The following BMP5 variants were observed in gnomAD, a reference collection of about 807,000 sequenced individuals.
BMP5 encodes the protein bone morphogenetic protein 5.
Under a neutral mutation model 46.6 loss-of-function variants are expected in BMP5, and 23 were observed. The observed-to-expected ratio is 0.49, with a 90% confidence interval of 0.35 to 0.70. BMP5 has a LOEUF of 0.70. Among genes scored for constraint, BMP5 ranks in the 30% least tolerant of loss-of-function variants. The pLI is 0.00. For missense variants in BMP5, 545 were observed against 565.6 expected, an observed-to-expected ratio of 0.96 and a Z score of 0.37; for synonymous variants, 204 against 191.9, an observed-to-expected ratio of 1.06 and a Z score of -0.52.
At chr6:55,800,033 A>C (rs1391831775) in intron 2 of BMP5, among the ~76,000 whole-genome samples, 2 of 152,134 alleles carry the variant, frequency 1.3e-5, no homozygotes, top group East Asian at 3.8e-4. Context: ...AAAAAACAAC[A>C]ACAAACACAC....
chr6:55,852,991 A>G (rs1465187069), intron 1 of BMP5, among the ~76,000 whole-genome samples: 2 of 151,668 alleles, frequency 1.3e-5, no homozygotes, highest in Non-Finnish European at 2.9e-5. Context: ...TTAGCTGGGC[A>G]TGGTGGTGCC....
chr6:55,812,999 A>T (rs1776170297), intron 2 of BMP5, among the ~76,000 whole-genome samples: 1 of 152,204 alleles, frequency 6.6e-6, no homozygotes, highest in African/African-American at 2.4e-5. Context: ...AGAGAATTAA[A>T]GTCAAAGTTC....
intron 1 of BMP5, among the ~76,000 whole-genome samples, chr6:55,833,853 T>A (rs1218481281): frequency 6.6e-6 from 1 of 152,124 alleles, no homozygotes; most frequent in Non-Finnish European, 1.5e-5. Flanking sequence ...AGCTTTGGTG[T>A]ATATTCAGAA....
At chr6:55,863,818 A>G (rs1006224816) in intron 1 of BMP5, among the ~76,000 whole-genome samples, 4 of 152,158 alleles carry the variant, frequency 2.6e-5, no homozygotes, top group African/African-American at 9.7e-5. Flanking sequence ...TGGTGTTACA[A>G]TTTCCTACAG....
chr6:55,838,750 T>C lies in BMP5; in HGVS notation c.491-18903A>G, dbSNP rs935618571. Among the ~76,000 whole-genome samples the C allele has an allele frequency of 2.6e-5, 4 of 152,184 alleles. No individual in the cohort carries two copies. The South Asian group carries it at 8.3e-4, about 31-fold the overall frequency. On this transcript the variant is annotated intron_variant, in intron 1 of 6. Coordinates refer to ENST00000370830, the MANE Select transcript of BMP5 (RefSeq NM_021073.4). ...TCATTTAAAAAATCTATCCTATTATTCCCCCTTGGAAACATCTATAGAATC... is the reference window on the plus strand; with the variant it reads ...TCATTTAAAAAATCTATCCTATTATCCCCCCTTGGAAACATCTATAGAATC...
At chr6:55,792,987 G>A (rs1231799423) in intron 3 of BMP5, among the ~76,000 whole-genome samples, 1 of 152,044 alleles carries the variant, frequency 6.6e-6, no homozygotes, top group Non-Finnish European at 1.5e-5. Context: ...GAGAATAACA[G>A]CACAATGTAG....
At chr6:55,808,129 A>G (rs1261653881) in intron 2 of BMP5, among the ~76,000 whole-genome samples, 3 of 152,166 alleles carry the variant, frequency 2.0e-5, no homozygotes, top group African/African-American at 7.2e-5. Flanking sequence ...CCCTCCCACT[A>G]GGGGATCAGG....
Position 55,753,956 on chromosome 6 carries a change from A to G in BMP5, c.*1577T>C, listed in dbSNP as rs1017737325. Reference sequence around the variant, plus strand: ...TTATTCTCTCAATGGTACACCATTAATTAAAAATATATTACTTAATGTACC... The same window carrying G: ...TTATTCTCTCAATGGTACACCATTAGTTAAAAATATATTACTTAATGTACC... On this transcript the variant is annotated 3_prime_UTR_variant, in exon 7 of 7. Coordinates refer to ENST00000370830, the MANE Select transcript of BMP5 (RefSeq NM_021073.4). 6.6e-6 allele frequency: 1 copy of G among 152,016 alleles called. No individual in the cohort carries two copies. The highest frequency in any genetic ancestry group is 6.6e-5 in the Admixed American group (1 of 15,224). 9.4% of individuals were successfully genotyped at this position (152,016 alleles called of 1,614,324 possible).
intron 2 of BMP5, among the ~76,000 whole-genome samples, chr6:55,817,239 C>A (rs1776295287): frequency 6.6e-6 from 1 of 152,160 alleles, no homozygotes; most frequent in African/African-American, 2.4e-5. Flanking sequence ...ACCCAGCCAT[C>A]CCATTACTGG....
At chr6:55,858,608 C>T (rs774912686) in intron 1 of BMP5, among the ~76,000 whole-genome samples, 3 of 152,064 alleles carry the variant, frequency 2.0e-5, no homozygotes, top group Non-Finnish European at 4.4e-5. Context: ...ATAATACTAA[C>T]GTTTACACTC....
At chr6:55,790,352 C>G (rs1183422554) in intron 3 of BMP5, among the ~76,000 whole-genome samples, 1 of 152,118 alleles carries the variant, frequency 6.6e-6, no homozygotes, top group Admixed American at 6.6e-5. Flanking sequence ...GTGCCACGCA[C>G]TGAGGGTACA....
At chr6:55,756,523 C>T (rs1774604769) in intron 6 of BMP5, among the ~76,000 whole-genome samples, 1 of 151,908 alleles carries the variant, frequency 6.6e-6, no homozygotes, top group South Asian at 2.1e-4. Flanking sequence ...GAACACAGTT[C>T]CCCCATTTCC....
chr6:55,800,328 T>C (rs1414129382), intron 2 of BMP5, among the ~76,000 whole-genome samples: 1 of 152,210 alleles, frequency 6.6e-6, no homozygotes, highest in Non-Finnish European at 1.5e-5. Context: ...AGACAACATG[T>C]GAATTAAAAT....
At chr6:55,807,217 G>A (rs1582080984) in intron 2 of BMP5, among the ~76,000 whole-genome samples, 2 of 152,184 alleles carry the variant, frequency 1.3e-5, no homozygotes, top group African/African-American at 2.4e-5. Flanking sequence ...GTCATAAATA[G>A]CTCTTATTAT....
Position 55,874,939 on chromosome 6 carries a change from A to C in BMP5, c.-74T>G. On this transcript the variant is annotated 5_prime_UTR_variant, in exon 1 of 7. Coordinates refer to ENST00000370830, the MANE Select transcript of BMP5 (RefSeq NM_021073.4). ...AAAAAAAAAAAAAACCTAAGGTTCT[A>C]GGAGGTACAGTTTCCCAGTAGCTGA... The C allele has an allele frequency of 6.5e-7, 1 of 1,542,188 alleles. No individual in the cohort carries two copies. The highest frequency in any genetic ancestry group is 8.7e-7 in the Non-Finnish European group (1 of 1,143,142).
intron 2 of BMP5, among the ~76,000 whole-genome samples, chr6:55,797,905 T>C (rs560678972): frequency 6.6e-6 from 1 of 152,214 alleles, no homozygotes; most frequent in Non-Finnish European, 1.5e-5. Flanking sequence ...CGTGAGCCAC[T>C]GCGTGTGATT....
chr6:55,865,627 A>G (rs778692373), intron 1 of BMP5, among the ~76,000 whole-genome samples: 6 of 152,310 alleles, frequency 3.9e-5, no homozygotes, highest in East Asian at 1.9e-4. Context: ...AATTATGTGC[A>G]TAATGTTTCA....
intron 2 of BMP5, among the ~76,000 whole-genome samples, chr6:55,802,281 G>A (rs1269683802): frequency 1.3e-5 from 2 of 152,080 alleles, no homozygotes; most frequent in South Asian, 2.1e-4. Flanking sequence ...CGGCCACTTC[G>A]ACTCCTCATG....
chr6:55,768,126 G>A (rs979081351), intron 4 of BMP5, among the ~76,000 whole-genome samples: 11 of 151,736 alleles, frequency 7.2e-5, no homozygotes, highest in East Asian at 1.9e-4. Flanking sequence ...TAAAACATTC[G>A]ATGGAAATAA....
Sources: allele counts gnomAD v4.1 joint callset (sites outside exome capture counted in the v4.1 genomes callset), GRCh38; gene constraint gnomAD v4.1.1; transcripts MANE v1.5; gene names NCBI Gene and HGNC (gene_info 2026-07-23, HGNC 2026-07-21).